Variants in ALDH8A1 observed in about 807,000 individuals in gnomAD.
The protein encoded by ALDH8A1 is aldehyde dehydrogenase 8 family member A1.
ALDH8A1 carries 39 observed loss-of-function variants against 43.3 expected under a neutral mutation model. The ratio of observed to expected loss-of-function variants is 0.90; its 90% confidence interval spans 0.70 to 1.18. The LOEUF is 1.18. Ranked by LOEUF, ALDH8A1 falls within the 50% of genes most tolerant of loss-of-function variation. The pLI, the probability that ALDH8A1 is intolerant of heterozygous loss-of-function variation, is 0.00. For synonymous variants in ALDH8A1, 233 were observed against 243.5 expected, an observed-to-expected ratio of 0.96 and a Z score of 0.40; for missense variants, 605 against 622.6, an observed-to-expected ratio of 0.97 and a Z score of 0.30.
Position 134,918,533 on chromosome 6 carries a change from A to G in ALDH8A1, c.1346T>C (p.Leu449Pro). ...QSGLVWTNCW[L>P]IRELNLPFGG... ...GAAAGGAAGGTTCAGCTCCCTGATGAGCCAGCAGTTGGTCCAGACCAAGCC... is the reference window on the plus strand; with the variant it reads ...GAAAGGAAGGTTCAGCTCCCTGATGGGCCAGCAGTTGGTCCAGACCAAGCC... Residue 449 changes from leucine (L) to proline (P), a missense_variant, in exon 7 of 7, where the codon CTC (leucine) becomes CCC (proline). Coordinates refer to ENST00000265605, the MANE Select transcript of ALDH8A1 (RefSeq NM_022568.4). 1 of 1,614,186 alleles carries G rather than the reference A, an allele frequency of 6.2e-7. No homozygotes were observed. Among genetic ancestry groups the G allele is most frequent in the Non-Finnish European group, 8.5e-7 (1 of 1,180,044 alleles).
chr6:134,920,515 G>T (rs1277604234), intron 6 of ALDH8A1, among the ~76,000 whole-genome samples: 1 of 152,174 alleles, frequency 6.6e-6, no homozygotes, highest in African/African-American at 2.4e-5. Flanking sequence ...CACCCCACGA[G>T]GAGTACCTGG....
intron 6 of ALDH8A1, among the ~76,000 whole-genome samples, chr6:134,926,202 C>CA (rs1554219364): frequency 2.1e-5 from 2 of 93,738 alleles, no homozygotes; most frequent in Non-Finnish European, 4.2e-5. Flanking sequence ...CAGGACCCTT[C>CA]TTTTTTTTTT....
intron 4 of ALDH8A1, among the ~76,000 whole-genome samples, 168 bp from the exon 5 acceptor site, chr6:134,933,200 T>C (rs1430717674): frequency 6.6e-6 from 1 of 152,216 alleles, no homozygotes; most frequent in East Asian, 1.9e-4. Context: ...TCTGGTTTAA[T>C]AGCAAAGCAA....
intron 6 of ALDH8A1, 26 bp from the exon 7 acceptor site, chr6:134,918,893 C>T: frequency 1.3e-5 from 21 of 1,605,206 alleles, no homozygotes; most frequent in Non-Finnish European, 1.7e-5. Context: ...TCATAATTAG[C>T]AATGTCTTAC....
At chr6:134,927,887 C>T (rs1037876590) in intron 6 of ALDH8A1, among the ~76,000 whole-genome samples, 4 of 152,112 alleles carry the variant, frequency 2.6e-5, no homozygotes, top group Admixed American at 6.5e-5. Flanking sequence ...TCCAAAAGAG[C>T]CAGAAGGAGA....
intron 6 of ALDH8A1, 123 bp from the exon 7 acceptor site, chr6:134,918,990 G>C: frequency 8.8e-7 from 1 of 1,135,754 alleles, no homozygotes; most frequent in South Asian, 1.6e-5. Context: ...AGAAATCTAT[G>C]GTCGATTATC....
chr6:134,929,621 A>G (rs776307343), intron 5 of ALDH8A1, among the ~76,000 whole-genome samples: 4 of 152,110 alleles, frequency 2.6e-5, no homozygotes, highest in Non-Finnish European at 5.9e-5. Context: ...TTAATTCTTC[A>G]AAGTACAGAG....
chr6:134,927,918 C>T (rs1310448092), intron 6 of ALDH8A1, among the ~76,000 whole-genome samples: 3 of 152,180 alleles, frequency 2.0e-5, no homozygotes, highest in Admixed American at 6.5e-5. Context: ...GAGTCTCTTG[C>T]ATCTGGAAAA....
chr6:134,930,918 G>A (rs1048073338), intron 5 of ALDH8A1, among the ~76,000 whole-genome samples: 2 of 152,174 alleles, frequency 1.3e-5, no homozygotes, highest in African/African-American at 4.8e-5. Context: ...TAATTCTGTA[G>A]CCTGTTAGCT....
intron 5 of ALDH8A1, among the ~76,000 whole-genome samples, chr6:134,930,506 T>C (rs1474508378): frequency 6.6e-6 from 1 of 152,262 alleles, no homozygotes. Context: ...ACCATGTTTG[T>C]GTCTGACTTC....
chr6:134,925,934 G>T (rs1170975598), intron 6 of ALDH8A1, among the ~76,000 whole-genome samples: 1 of 151,958 alleles, frequency 6.6e-6, no homozygotes, highest in Non-Finnish European at 1.5e-5. Context: ...CAAGAAGGAG[G>T]AGGGTGCCTG....
Position 134,917,782 on chromosome 6 carries a change from A to G in ALDH8A1, c.*633T>C, listed in dbSNP as rs2114671003. ...TGGTTTTGCAGCATTTTTTTTTTAA[A>G]GACAAGGTCTCACTGTATCCCCCAG... On this transcript the variant is annotated 3_prime_UTR_variant, in exon 7 of 7. Transcript: ENST00000265605. The G allele has an allele frequency of 6.6e-6, 1 of 152,226 alleles. No homozygotes were observed. The highest frequency in any genetic ancestry group is 1.9e-4 in the East Asian group (1 of 5,180). The allele number at this position is 152,226 out of a possible 1,614,324, so 9.4% of individuals were successfully genotyped here.
intron 1 of ALDH8A1, among the ~76,000 whole-genome samples, chr6:134,949,357 C>T (rs868071850): frequency 5.9e-5 from 9 of 151,988 alleles, no homozygotes; most frequent in Admixed American, 4.6e-4. Context: ...AGAAAAAAGA[C>T]GCTGTTAAAT....
At chr6:134,938,937 A>T (rs1773799456) in intron 4 of ALDH8A1, among the ~76,000 whole-genome samples, 1 of 152,108 alleles carries the variant, frequency 6.6e-6, no homozygotes, top group Non-Finnish European at 1.5e-5. Context: ...GTGAACCACC[A>T]CACCTGGCCC....
At chr6:134,939,927 A>G (rs974349040) in intron 3 of ALDH8A1, among the ~76,000 whole-genome samples, 1 of 152,254 alleles carries the variant, frequency 6.6e-6, no homozygotes, top group Non-Finnish European at 1.5e-5. Context: ...TTGCAGGCAC[A>G]TGGATGAAGG....
chr6:134,919,837 T>C (rs1473099211), intron 6 of ALDH8A1, among the ~76,000 whole-genome samples: 1 of 152,200 alleles, frequency 6.6e-6, no homozygotes, highest in Middle Eastern at 3.2e-3. Context: ...ATGTATATTC[T>C]CCATGTAAAA....
intron 5 of ALDH8A1, among the ~76,000 whole-genome samples, chr6:134,930,196 T>C (rs1206887564): frequency 6.6e-6 from 1 of 152,088 alleles, no homozygotes; most frequent in African/African-American, 2.4e-5. Context: ...GAGTGGATGG[T>C]GGTGTTGTTC....
Position 134,917,640 on chromosome 6 carries a change from CA to C in ALDH8A1, c.*774del, listed in dbSNP as rs1776725616. On this transcript the variant is annotated 3_prime_UTR_variant, in exon 7 of 7. Coordinates refer to ENST00000265605, the MANE Select transcript of ALDH8A1 (RefSeq NM_022568.4). ...CCCTAACAAATTCCAAAGACGTCCA[CA>C]GCCCCCTTATGTAATGAGGTCCAAT... The C allele has an allele frequency of 6.6e-6, 1 of 152,254 alleles. No individual in the cohort carries two copies. The highest frequency in any genetic ancestry group is 2.1e-4 in the South Asian group (1 of 4,830). 9.4% of individuals were successfully genotyped at this position (152,254 alleles called of 1,614,324 possible). A position where few individuals can be genotyped will look rare whatever the true frequency, so the allele number is the denominator to read the frequency against.
chr6:134,922,722 C>A (rs1353314747), intron 6 of ALDH8A1, among the ~76,000 whole-genome samples: 1 of 152,182 alleles, frequency 6.6e-6, no homozygotes, highest in African/African-American at 2.4e-5. Flanking sequence ...TGTCCAAAAT[C>A]TTTCCCCTTT....
Sources: allele counts gnomAD v4.1 joint callset (sites outside exome capture counted in the v4.1 genomes callset), GRCh38; gene constraint gnomAD v4.1.1; transcripts MANE v1.5; gene names NCBI Gene and HGNC (gene_info 2026-07-23, HGNC 2026-07-21).